Variants in KANSL1 observed in about 807,000 individuals in gnomAD.
KANSL1 encodes KAT8 regulatory NSL complex subunit 1, also known as MLL1/MLL complex subunit KANSL1.
A neutral mutation model predicts 103.6 loss-of-function variants in KANSL1; 22 were observed. That is an observed-to-expected ratio of 0.21 (90% CI 0.15 to 0.30). KANSL1 has a LOEUF of 0.30. KANSL1 is among the 10% of genes least tolerant of loss of function. The pLI is 1.00. For missense variants in KANSL1, 1,337 were observed against 1,399.8 expected (o/e 0.96, Z 0.72); for synonymous variants, 600 against 527.6 (o/e 1.14, Z -1.88).
chr17:46,081,731 C>T (rs771971402), intron 4 of KANSL1, among the ~76,000 whole-genome samples: 10 of 152,224 alleles, frequency 6.6e-5, no homozygotes, highest in Non-Finnish European at 8.8e-5. Context: ...AAAGCCATCA[C>T]TTCACACTAG....
At chr17:46,188,673 C>G (rs1442018133) in intron 1 of KANSL1, among the ~76,000 whole-genome samples, 1 of 152,166 alleles carries the variant, frequency 6.6e-6, no homozygotes, top group Non-Finnish European at 1.5e-5. Flanking sequence ...AATCAAATCA[C>G]TCAAGGCAGG....
intron 2 of KANSL1, among the ~76,000 whole-genome samples, chr17:46,101,786 A>G (rs887932536): frequency 6.8e-6 from 1 of 146,236 alleles, no homozygotes; most frequent in Non-Finnish European, 1.6e-5. Flanking sequence ...AAAAGAAATA[A>G]CAATTTAGTC....
chr17:46,124,797 C>T (rs2043440462), intron 2 of KANSL1, among the ~76,000 whole-genome samples: 1 of 151,634 alleles, frequency 6.6e-6, no homozygotes, highest in African/African-American at 2.4e-5. Flanking sequence ...GCAAGATAAC[C>T]AGAATTAGAA....
At chr17:46,198,118 G>T (rs2047673686), upstream of KANSL1, among the ~76,000 whole-genome samples, 1 of 152,126 alleles carries the variant, frequency 6.6e-6, no homozygotes, top group Non-Finnish European at 1.5e-5. Context: ...CATAAGAACT[G>T]ACTGAATAAA....
intron 6 of KANSL1, among the ~76,000 whole-genome samples, chr17:46,066,152 A>G (rs1294663394): frequency 6.6e-6 from 1 of 152,148 alleles, no homozygotes; most frequent in Non-Finnish European, 1.5e-5. Context: ...GCCACTGCAC[A>G]TGGCCAAGAT....
intron 1 of KANSL1, among the ~76,000 whole-genome samples, chr17:46,219,250 T>TAAAAAAA (rs66536813): frequency 7.4e-6 from 1 of 135,284 alleles, no homozygotes; most frequent in African/African-American, 2.9e-5. Flanking sequence ...TCTTGTCTCA[T>TAAAAAAA]AAAAAAAAAA....
intron 7 of KANSL1, among the ~76,000 whole-genome samples, chr17:46,046,586 C>A: frequency 6.9e-6 from 1 of 144,016 alleles, no homozygotes; most frequent in East Asian, 2.2e-4. Context: ...GCTTGTAATC[C>A]CAGCACTTTG....
intron 2 of KANSL1, among the ~76,000 whole-genome samples, chr17:46,124,414 GC>G (rs1164830655): frequency 6.6e-6 from 1 of 152,200 alleles, no homozygotes; most frequent in Non-Finnish European, 1.5e-5. Flanking sequence ...CACTGACAAT[GC>G]ACCATTGCCG....
rs1555575573 is a variant in KANSL1 at position 46,171,396 on chromosome 17, G to C, written c.748C>G (p.Pro250Ala). The change falls in exon 2 of 15, where the codon CCT becomes GCT. Residue 250 changes from proline to alanine, a missense_variant. Transcript: ENST00000432791. ...PALQGSSRLS[P>A]GTDSSSNLGG... is the part of the protein sequence containing the mutation. ...AAGTTAGAGCTGGAGTCTGTACCAG[G>C]TGATAATCTACTGCTTCCTTGAAGT... The C allele has an allele frequency of 1.2e-6, 2 of 1,614,108 alleles. No homozygotes were observed. Among genetic ancestry groups the C allele is most frequent in the Non-Finnish European group, 1.7e-6 (2 of 1,180,018 alleles).
At chr17:46,094,815 G>T in intron 2 of KANSL1, 114 bp from the exon 3 acceptor site, 1 of 1,262,348 alleles carries the variant, frequency 7.9e-7, no homozygotes, top group Non-Finnish European at 1.1e-6. Flanking sequence ...TAACTCTAGT[G>T]TCAAGAAAAA....
upstream of KANSL1, among the ~76,000 whole-genome samples, chr17:46,194,506 AAAG>A (rs1452618177): frequency 1.3e-5 from 2 of 152,254 alleles, no homozygotes; most frequent in African/African-American, 4.8e-5. Flanking sequence ...TCCTAGACTT[AAAG>A]AATTCATAAA....
chr17:46,128,310 C>T (rs1388392476), intron 2 of KANSL1, among the ~76,000 whole-genome samples: 1 of 152,178 alleles, frequency 6.6e-6, no homozygotes, highest in Non-Finnish European at 1.5e-5. Flanking sequence ...TTGTCAGTTA[C>T]AATTTTATTC....
At chr17:46,031,800 A>T in intron 14 of KANSL1, 97 bp from the exon 15 acceptor site, 1 of 1,216,166 alleles carries the variant, frequency 8.2e-7, no homozygotes, top group Non-Finnish European at 1.2e-6. Flanking sequence ...GGAGCCTAGG[A>T]CCAGTCTATC....
At position 46,171,577 on chromosome 17, in the gene KANSL1, A is replaced by G. The variant is rs1454586978; in HGVS notation, c.567T>C (p.His189=). The change falls in exon 2 of 15, where the codon CAT becomes CAC. Residue 189 remains histidine, a synonymous_variant. Transcript: ENST00000432791. ...GKRALTSSAL[H]GGEMGGSESG... ...ATTCAGATCCTCCCATTTCACCCCCATGAAGAGCAGATGAAGTGAGAGCCC... is the reference window on the plus strand; with the variant it reads ...ATTCAGATCCTCCCATTTCACCCCCGTGAAGAGCAGATGAAGTGAGAGCCC... The G allele has an allele frequency of 6.2e-7, 1 of 1,603,746 alleles. No individual in the cohort carries two copies. The highest frequency in any genetic ancestry group is 1.1e-5 in the South Asian group (1 of 89,926).
At chr17:46,190,173 G>A (rs1310911096) in intron 1 of KANSL1, among the ~76,000 whole-genome samples, 4 of 152,212 alleles carry the variant, frequency 2.6e-5, no homozygotes, top group Non-Finnish European at 5.9e-5. Flanking sequence ...AGCATTACTA[G>A]AGATGGAAGA....
At chr17:46,115,688 A>T (rs1368323508) in intron 2 of KANSL1, among the ~76,000 whole-genome samples, 2 of 152,240 alleles carry the variant, frequency 1.3e-5, no homozygotes, top group African/African-American at 4.8e-5. Flanking sequence ...GACTCTACTC[A>T]AAAAGTATGC....
intron 13 of KANSL1, 61 bp downstream of exon 13, chr17:46,033,019 G>C (rs1404254276): frequency 1.5e-6 from 2 of 1,336,154 alleles, no homozygotes; most frequent in Non-Finnish European, 2.0e-6. Context: ...CTCAAGTAGG[G>C]CCCAAACTCC....
intron 2 of KANSL1, among the ~76,000 whole-genome samples, chr17:46,141,073 A>T (rs556081477): frequency 1.4e-4 from 15 of 106,356 alleles, no homozygotes; most frequent in Non-Finnish European, 2.3e-4. Flanking sequence ...CTGTTTGTTT[A>T]AAAAAAAAAA....
chr17:46,136,931 TG>T (rs1400940953), intron 2 of KANSL1, among the ~76,000 whole-genome samples: 1 of 152,264 alleles, frequency 6.6e-6, no homozygotes, highest in East Asian at 1.9e-4. Context: ...CTTTCAGGGT[TG>T]GGAACTGAAT....
Sources: allele counts gnomAD v4.1 joint callset (sites outside exome capture counted in the v4.1 genomes callset), GRCh38; gene constraint gnomAD v4.1.1; transcripts MANE v1.5; gene names NCBI Gene and HGNC (gene_info 2026-07-23, HGNC 2026-07-21).